The following MED15 variants were observed in gnomAD, a reference collection of about 807,000 sequenced individuals.
The protein encoded by MED15 is mediator of RNA polymerase II transcription subunit 15.
Under a neutral mutation model 118.7 loss-of-function variants are expected in MED15, and 41 were observed. That is an observed-to-expected ratio of 0.35 (90% CI 0.27 to 0.45). The LOEUF (loss-of-function observed/expected upper bound fraction) is 0.45, where lower values mean the gene tolerates loss of function less well. Among genes scored for constraint, MED15 ranks in the 20% least tolerant of loss-of-function variants. The probability of loss-of-function intolerance (pLI) is 1.00; values close to 1 mark genes in which losing one functional copy is unlikely to be tolerated. For missense variants in MED15, 740 were observed against 1,025.5 expected (o/e 0.72, Z 3.80); for synonymous variants, 436 against 413.9 (o/e 1.05, Z -0.65).
rs2146594093 is a variant in MED15, at chr22:20,566,550, G to T, written c.774G>T (p.Gln258His). Residue 258 changes from glutamine (Q) to histidine (H), a missense_variant, in exon 7 of 18, where the codon CAG (glutamine) becomes CAT (histidine). Coordinates refer to ENST00000263205, the MANE Select transcript of MED15 (RefSeq NM_001003891.3). ...QQQQQQQQQQ[Q>H]QQQQALQAQP... is the part of the protein sequence containing the mutation. ...AACAGCAGCAGCAGCAGCAGCAGCA[G>T]CAGCAGCAGCAGGCTTTGCAGGCCC... is the stretch of plus-strand genomic sequence containing the variant. 1 of 1,613,096 alleles carries T rather than the reference G, an allele frequency of 6.2e-7. No individual in the cohort carries two copies.
chr22:20,511,917 A>G lies in MED15; in HGVS notation c.68+4171A>G, dbSNP rs1410601966. 4.9e-5 allele frequency among the ~76,000 whole-genome samples: 6 copies of G among 121,928 alleles called. No homozygotes were observed. In the East Asian group the frequency reaches 1.7e-3, roughly 34 times the overall value. 80.0% of individuals were successfully genotyped at this position (121,928 alleles called of 152,430 possible). A position where few individuals can be genotyped will look rare whatever the true frequency, so the allele number is the denominator to read the frequency against. On this transcript the variant is annotated intron_variant, in intron 1 of 17. Transcript: ENST00000263205. ...TCCCAGCCCCTCACCCTGACCTGGT[A>G]TAGTCATCTCTTCTCCTACCCCCAC...
chr22:20,526,565 C>T (rs1377512932), intron 1 of MED15, among the ~76,000 whole-genome samples: 2 of 152,176 alleles, frequency 1.3e-5, no homozygotes, highest in Non-Finnish European at 2.9e-5. Context: ...TTATTTTTTT[C>T]CTAGGAAAGA....
chr22:20,566,663 C>T lies in MED15; in HGVS notation c.887C>T (p.Thr296Ile). The T allele has an allele frequency of 6.2e-7, 1 of 1,614,182 alleles. No individual in the cohort carries two copies. Among genetic ancestry groups the T allele is most frequent in the Non-Finnish European group, 8.5e-7 (1 of 1,180,016 alleles). Residue 296 changes from threonine to isoleucine, a missense_variant, in exon 7 of 18, where the codon ACA becomes ATA. Thr to Ile is a moderately conservative substitution (Grantham distance 89, BLOSUM62 -1). This residue lies in a region of MED15 where 384 missense variants were observed against 506.3 expected (regional missense o/e 0.76). Coordinates refer to ENST00000263205, the MANE Select transcript of MED15 (RefSeq NM_001003891.3). ...LPQQLQQMHH[T>I]QHHQPPPQPQ... is the part of the protein sequence containing the mutation. ...CAGCAGCTGCAGCAGATGCATCACA[C>T]ACAGCACCACCAGCCGCCACCACAG...
In MED15 at chr22:20,507,619, A is replaced by G. The variant is rs2053910724; in HGVS notation, c.-60A>G. ...TTCCGGGTTTGGGCCTGGCTCTGTG[A>G]CTGAGGCGGCGGCGGTGGCGGCCAA... On this transcript the variant is annotated 5_prime_UTR_variant, in exon 1 of 18. Transcript: ENST00000263205. 1 of 1,607,076 alleles carries G rather than the reference A, an allele frequency of 6.2e-7. No individual in the cohort carries two copies.
chr22:20,527,623 G>A (rs1320095556), intron 1 of MED15, among the ~76,000 whole-genome samples: 12 of 151,718 alleles, frequency 7.9e-5, no homozygotes, highest in African/African-American at 4.8e-5. Context: ...TTTGTTTTTC[G>A]TAGAGATGGG....
At chr22:20,541,761 T>G (rs1360317392) in intron 2 of MED15, among the ~76,000 whole-genome samples, 2 of 151,990 alleles carry the variant, frequency 1.3e-5, no homozygotes, top group Admixed American at 1.3e-4. Context: ...ACAATTACCC[T>G]GCCTCAGCCT....
At chr22:20,532,744 T>TGGACAGGCC (rs2054909174) in intron 1 of MED15, among the ~76,000 whole-genome samples, 3 of 152,206 alleles carry the variant, frequency 2.0e-5, no homozygotes, top group Admixed American at 2.0e-4. Context: ...CCTGTACTGT[T>TGGACAGGCC]TGTGAACCTG....
chr22:20,509,253 G>A (rs2053981656), intron 1 of MED15, among the ~76,000 whole-genome samples: 1 of 152,126 alleles, frequency 6.6e-6, no homozygotes, highest in Non-Finnish European at 1.5e-5. Context: ...TTGGCATGTG[G>A]CATTCTTTGG....
chr22:20,555,569 G>A (rs1481689846), intron 5 of MED15, among the ~76,000 whole-genome samples: 1 of 152,242 alleles, frequency 6.6e-6, no homozygotes, highest in Non-Finnish European at 1.5e-5. Flanking sequence ...CCATGGGTGT[G>A]GCTTGCAGCC....
intron 1 of MED15, among the ~76,000 whole-genome samples, chr22:20,515,907 G>A (rs916746609): frequency 1.3e-5 from 2 of 152,152 alleles, no homozygotes; most frequent in South Asian, 2.1e-4. Context: ...GGAGGCTGAG[G>A]TAGGAGAATC....
At chr22:20,556,012 C>T (rs187558511) in intron 5 of MED15, among the ~76,000 whole-genome samples, 8 of 152,344 alleles carry the variant, frequency 5.3e-5, no homozygotes, top group Admixed American at 4.6e-4. Flanking sequence ...CGTGAGCCAA[C>T]GCGCCTGCCC....
At chr22:20,532,370 A>G (rs550053953) in intron 1 of MED15, among the ~76,000 whole-genome samples, 20 of 152,292 alleles carry the variant, frequency 1.3e-4, no homozygotes, top group African/African-American at 4.8e-4. Flanking sequence ...GGGCAATGCC[A>G]TTAAGACACA....
At chr22:20,537,282 T>C (rs1313534777) in intron 2 of MED15, 78 bp downstream of exon 2, 67 of 1,260,176 alleles carry the variant, frequency 5.3e-5, no homozygotes, top group Non-Finnish European at 7.0e-5. Context: ...AACCCCTCTG[T>C]TGGGTGTCCT....
At chr22:20,544,434 G>A (rs1230998255) in intron 2 of MED15, among the ~76,000 whole-genome samples, 2 of 152,216 alleles carry the variant, frequency 1.3e-5, no homozygotes, top group Admixed American at 6.5e-5. Context: ...GGGAGGCTGA[G>A]GCGGGCAGAT....
At chr22:20,547,235 C>G (rs184805800) in intron 2 of MED15, among the ~76,000 whole-genome samples, 1 of 152,112 alleles carries the variant, frequency 6.6e-6, no homozygotes, top group South Asian at 2.1e-4. Context: ...AAATGTATCC[C>G]TTTTATTGAG....
At chr22:20,533,996 A>G (rs946601781) in intron 1 of MED15, among the ~76,000 whole-genome samples, 10 of 152,110 alleles carry the variant, frequency 6.6e-5, no homozygotes, top group Non-Finnish European at 1.2e-4. Flanking sequence ...GACACTCTCA[A>G]AAACGGCCAG....
chr22:20,568,566 G>A lies in MED15; in HGVS notation c.1087G>A (p.Val363Met). 1.2e-6 allele frequency: 2 copies of A among 1,613,906 alleles called. No homozygotes were observed. Among genetic ancestry groups the A allele is most frequent in the Non-Finnish European group, 1.7e-6 (2 of 1,180,020 alleles). ...GCAGCAGCCCCCAGTGCAGCCCCAG[G>A]TGCAGCAGCAGCAGACAGCAGTACA... is the stretch of plus-strand genomic sequence containing the variant. ...VVQQPPVQPQ[V>M]QQQQTAVQTA... The change falls in exon 8 of 18, where the codon GTG (valine) becomes ATG (methionine). Residue 363 changes from valine (V) to methionine (M), a missense_variant. Val to Met is a conservative substitution (Grantham distance 21). This residue lies in a region of MED15 where 384 missense variants were observed against 506.3 expected (regional missense o/e 0.76). Coordinates refer to ENST00000263205, the MANE Select transcript of MED15 (RefSeq NM_001003891.3).
chr22:20,575,085 C>T (rs753841885), intron 8 of MED15, 28 bp from the exon 9 acceptor site: 1 of 1,612,590 alleles, frequency 6.2e-7, no homozygotes, highest in South Asian at 1.1e-5. Flanking sequence ...TTGCGATCAC[C>T]TTGTCTGTTG....
rs1342194095 is a variant in MED15, at chr22:20,583,192, G to A, written c.1617G>A (p.Leu539=). 2.5e-6 allele frequency: 4 copies of A among 1,611,852 alleles called. No homozygotes were observed. The highest frequency in any genetic ancestry group is 8.5e-7 in the Non-Finnish European group (1 of 1,179,270). ...EQQYLDKLKQ[L]SKYIEPLRRM... The stretch of plus-strand genomic sequence containing the variant: ...AGTACCTGGACAAGCTGAAGCAGCT[G>A]TCGAAGTACATCGAGCCCCTGCGCC... Residue 539 remains leucine (L), a synonymous_variant, in exon 12 of 18, where the codon CTG becomes CTA. Coordinates refer to ENST00000263205, the MANE Select transcript of MED15 (RefSeq NM_001003891.3).
Sources: gnomAD v4.1 joint callset for allele counts (sites outside exome capture counted in the v4.1 genomes callset) on GRCh38, gnomAD v4.1.1 for gene constraint, gnomAD v4.1.1 regional missense constraint, MANE v1.5 for transcripts, NCBI Gene and HGNC (gene_info 2026-07-23, HGNC 2026-07-21) for gene names.